CBFA2T2: variants seen among roughly 807,000 people sequenced by gnomAD.
CBFA2T2 encodes the protein CBFA2/RUNX1 partner transcriptional co-repressor 2.
A neutral mutation model predicts 62.2 loss-of-function variants in CBFA2T2; 11 were observed. That is an observed-to-expected ratio of 0.18 (90% CI 0.11 to 0.29). The LOEUF is 0.29. CBFA2T2 is among the 10% of genes least tolerant of loss of function. The probability of loss-of-function intolerance (pLI) is 1.00; values close to 1 mark genes in which losing one functional copy is unlikely to be tolerated. For synonymous variants in CBFA2T2, 295 were observed against 287.5 expected, an observed-to-expected ratio of 1.03 and a Z score of -0.27; for missense variants, 592 against 774.1, an observed-to-expected ratio of 0.76 and a Z score of 2.79.
chr20:33,590,755 G>A (rs1007729342), intron 1 of CBFA2T2, among the ~76,000 whole-genome samples: 48 of 152,274 alleles, frequency 3.2e-4, no homozygotes, highest in African/African-American at 1.0e-3. Context: ...TTTGATTTTT[G>A]TGGTTCTCCA....
In CBFA2T2 at chr20:33,490,249, G is replaced by GCGGCGGCGGCGCT. The variant is rs1385152993; in HGVS notation, c.-13_-1dup. 26 of 1,233,666 alleles carry GCGGCGGCGGCGCT rather than the reference G, an allele frequency of 2.1e-5. No individual in the cohort carries two copies. Among genetic ancestry groups the GCGGCGGCGGCGCT allele is most frequent in the South Asian group, 1.1e-4 (3 of 26,122 alleles). The allele number at this position is 1,233,666 out of a possible 1,614,324, so 76.4% of individuals were successfully genotyped here. On this transcript the variant is annotated 5_prime_UTR_variant, in exon 1 of 11. Transcript: ENST00000342704. ...TGTCGCGGGTAGAGGCGGGCGGCGCGCGGCGGCGGCGCTCGGCGATGGTAG... is the reference window on the plus strand; with the variant it reads ...TGTCGCGGGTAGAGGCGGGCGGCGCGCGGCGGCGGCGCTCGGCGGCGGCGCTCGGCGATGGTAG...
intron 9 of CBFA2T2, chr20:33,639,675 A>C (rs1354923988): frequency 1.3e-5 from 2 of 152,228 alleles, no homozygotes; most frequent in Non-Finnish European, 2.9e-5. Context: ...GGATCACTTG[A>C]GCGCAGGAGT....
chr20:33,591,349 C>A (rs2014616306), intron 1 of CBFA2T2, among the ~76,000 whole-genome samples: 1 of 146,526 alleles, frequency 6.8e-6, no homozygotes, highest in African/African-American at 2.5e-5. Flanking sequence ...GTAGTCCCTG[C>A]TGTAGTCCCA....
chr20:33,521,624 AT>A (rs1425872900), intron 1 of CBFA2T2, among the ~76,000 whole-genome samples: 1 of 152,170 alleles, frequency 6.6e-6, no homozygotes, highest in African/African-American at 2.4e-5. Flanking sequence ...CAGCTGTACC[AT>A]CTGTGGGAGC....
rs567240334 is a variant in CBFA2T2 at position 33,523,141 on chromosome 20, G to C, written c.34+32840G>C. On this transcript the variant is annotated intron_variant, in intron 1 of 10. Transcript: ENST00000342704. ...TATGAGCAGCAGCATTGCCACCTGGGAACTTGTTAAAAATGCAGAATCTGG... is the reference window on the plus strand; with the variant it reads ...TATGAGCAGCAGCATTGCCACCTGGCAACTTGTTAAAAATGCAGAATCTGG... 3.4e-4 allele frequency among the ~76,000 whole-genome samples: 52 copies of C among 152,068 alleles called. No homozygotes were observed. In the South Asian group the frequency reaches 4.2e-3, roughly 12 times the overall value.
chr20:33,584,247 C>T (rs189912020), intron 1 of CBFA2T2, among the ~76,000 whole-genome samples: 1 of 151,222 alleles, frequency 6.6e-6, no homozygotes, highest in Admixed American at 6.6e-5. Context: ...CCATGCTGGC[C>T]AGATTAAGTG....
intron 1 of CBFA2T2, among the ~76,000 whole-genome samples, chr20:33,548,321 G>C (rs2012636950): frequency 6.6e-6 from 1 of 151,166 alleles, no homozygotes; most frequent in Admixed American, 6.6e-5. Context: ...TCGGCTCACT[G>C]CAACCTCTGC....
At chr20:33,643,572 G>C (rs1167446072) in intron 10 of CBFA2T2, among the ~76,000 whole-genome samples, 1 of 151,302 alleles carries the variant, frequency 6.6e-6, no homozygotes. Flanking sequence ...AAACAAAACA[G>C]CAGCAGCAGC....
At chr20:33,524,808 C>T (rs2011838150) in intron 1 of CBFA2T2, among the ~76,000 whole-genome samples, 1 of 152,088 alleles carries the variant, frequency 6.6e-6, no homozygotes, top group Admixed American at 6.6e-5. Flanking sequence ...TGTATGACTG[C>T]TATATATGTC....
At chr20:33,543,125 T>C (rs903810205) in intron 1 of CBFA2T2, among the ~76,000 whole-genome samples, 8 of 151,866 alleles carry the variant, frequency 5.3e-5, no homozygotes, top group African/African-American at 1.9e-4. Flanking sequence ...GCAGTTCTCC[T>C]GCCTCAGCCC....
At chr20:33,595,741 T>C (rs1226376708) in intron 1 of CBFA2T2, among the ~76,000 whole-genome samples, 1 of 151,762 alleles carries the variant, frequency 6.6e-6, no homozygotes, top group African/African-American at 2.4e-5. Flanking sequence ...GGTTTTGCCA[T>C]GTTGGCCAGG....
At chr20:33,537,766 G>A (rs555130567) in intron 1 of CBFA2T2, among the ~76,000 whole-genome samples, 5 of 152,092 alleles carry the variant, frequency 3.3e-5, no homozygotes, top group South Asian at 2.1e-4. Flanking sequence ...TTCCTCTACC[G>A]GATTGTCCTT....
intron 9 of CBFA2T2, among the ~76,000 whole-genome samples, chr20:33,637,862 T>C (rs1251562044): frequency 1.3e-5 from 2 of 151,906 alleles, no homozygotes; most frequent in Admixed American, 1.3e-4. Context: ...AGATGAGGTT[T>C]CTCCATGTTG....
chr20:33,618,312 C>G (rs2015787446), intron 3 of CBFA2T2: 1 of 152,054 alleles, frequency 6.6e-6, no homozygotes, highest in Admixed American at 6.5e-5. Flanking sequence ...GGGGAGCAAG[C>G]AGGGATTCAG....
At chr20:33,552,307 G>A (rs903144088) in intron 1 of CBFA2T2, among the ~76,000 whole-genome samples, 2 of 152,198 alleles carry the variant, frequency 1.3e-5, no homozygotes, top group African/African-American at 4.8e-5. Flanking sequence ...ATCTTGAGCT[G>A]TTTAAACATG....
At position 33,552,247 on chromosome 20, in the gene CBFA2T2, G is replaced by T. The variant is rs187362493; in HGVS notation, c.35-54709G>T. Reference sequence around the variant, plus strand: ...TCTTGTTTGTGGAGAGCATTTTCAGGTTATTTGACTTAACAATGATGTTAT... The same window carrying T: ...TCTTGTTTGTGGAGAGCATTTTCAGTTTATTTGACTTAACAATGATGTTAT... On this transcript the variant is annotated intron_variant, in intron 1 of 10. Coordinates refer to ENST00000342704, the MANE Select transcript of CBFA2T2 (RefSeq NM_001032999.3). Among the ~76,000 whole-genome samples, 899 of 152,180 alleles carry T rather than the reference G, an allele frequency of 5.9e-3. 4 individuals are homozygous for T. Among genetic ancestry groups the T allele is most frequent in the Non-Finnish European group, 9.2e-3 (623 of 67,994 alleles).
chr20:33,561,907 T>TA (rs1012414716), intron 1 of CBFA2T2, among the ~76,000 whole-genome samples: 2 of 152,218 alleles, frequency 1.3e-5, no homozygotes, highest in Non-Finnish European at 2.9e-5. Context: ...ATCATTTACA[T>TA]ACATTTCTGT....
intron 1 of CBFA2T2, among the ~76,000 whole-genome samples, chr20:33,595,917 G>T (rs537365295): frequency 6.6e-6 from 1 of 152,134 alleles, no homozygotes; most frequent in African/African-American, 2.4e-5. Flanking sequence ...AGAAACCAAG[G>T]CTCTGGCATG....
chr20:33,634,167 C>T (rs1601106978), intron 8 of CBFA2T2, among the ~76,000 whole-genome samples: 2 of 152,122 alleles, frequency 1.3e-5, no homozygotes, highest in African/African-American at 4.8e-5. Context: ...CGGGGTTTCA[C>T]CATGTTAGTC....
Sources: gnomAD v4.1 joint callset for allele counts (sites outside exome capture counted in the v4.1 genomes callset) on GRCh38, gnomAD v4.1.1 for gene constraint, MANE v1.5 for transcripts, NCBI Gene and HGNC (gene_info 2026-07-23, HGNC 2026-07-21) for gene names.